DNAH11: variants seen among roughly 807,000 people sequenced by gnomAD.
The protein encoded by DNAH11 is dynein axonemal heavy chain 11.
Under a neutral mutation model 526.0 loss-of-function variants are expected in DNAH11, and 442 were observed. The observed-to-expected ratio is 0.84, with a 90% CI of 0.78 to 0.91. DNAH11 has a LOEUF of 0.91. DNAH11 is among the 40% of genes least tolerant of loss of function. The pLI is 0.00. For missense variants in DNAH11, 6,989 were observed against 5,448.7 expected, an observed-to-expected ratio of 1.28 and a Z score of -8.90; for synonymous variants, 2,461 against 1,935.9, an observed-to-expected ratio of 1.27 and a Z score of -7.12.
rs1562568659 is a variant in DNAH11, at chr7:21,825,927, C to T, written c.10691+7588C>T. On this transcript the variant is annotated intron_variant, in intron 65 of 81. Transcript: ENST00000409508. ...TGAGCCAAGATGGTGCCACTGCACT[C>T]CAGCCTGGGCGAAGGAGTGAGACTC... 2.7e-5 allele frequency among the ~76,000 whole-genome samples: 4 copies of T among 150,508 alleles called. No individual in the cohort carries two copies. The South Asian group carries it at 6.3e-4, about 24-fold the overall frequency.
chr7:21,765,430 C>T lies in DNAH11; in HGVS notation c.8943C>T (p.Ile2981=). Residue 2981 remains isoleucine, a splice_region_variant and synonymous_variant, in exon 55 of 82, where the codon ATC becomes ATT. Transcript: ENST00000409508. ...FMARVRLQLK[I]ILCFSPVGRT... ...GCCTTGCCCCCATGTCTCCACAGAT[C>T]ATTTTGTGTTTCTCTCCAGTTGGTC... is the stretch of plus-strand genomic sequence containing the variant. 6.2e-7 allele frequency: 1 copy of T among 1,613,744 alleles called. No individual in the cohort carries two copies. The highest frequency in any genetic ancestry group is 8.5e-7 in the Non-Finnish European group (1 of 1,179,756).
Position 21,739,678 on chromosome 7 carries a change from G to C in DNAH11, c.7914+5G>C. On this transcript the variant is annotated splice_donor_5th_base_variant and intron_variant, in intron 48 of 81. Coordinates refer to ENST00000409508, the MANE Select transcript of DNAH11 (RefSeq NM_001277115.2). ...ACCATCAATCCCAGGCTACAGGTAG[G>C]GTGTTGAATACTGCTCTCAAAAACT... is the stretch of plus-strand genomic sequence containing the variant. The C allele has an allele frequency of 6.2e-7, 1 of 1,606,758 alleles. No individual in the cohort carries two copies. Among genetic ancestry groups the C allele is most frequent in the Non-Finnish European group, 8.5e-7 (1 of 1,174,898 alleles).
chr7:21,901,463 TACTC>T lies in DNAH11; in HGVS notation c.*211_*214del, dbSNP rs1784843576. 1.7e-6 allele frequency: 1 copy of T among 579,594 alleles called. No homozygotes were observed. Among genetic ancestry groups the T allele is most frequent in the Non-Finnish European group, 2.5e-6 (1 of 397,394 alleles). The allele number at this position is 579,594 out of a possible 1,614,324, so 35.9% of individuals were successfully genotyped here. A position where few individuals can be genotyped will look rare whatever the true frequency, so the allele number is the denominator to read the frequency against. ...GGTGGCACACGACTGTAATCCCAGT[TACTC>T]AGGAGGTAGGAGAATCACTTGAACC... On this transcript the variant is annotated 3_prime_UTR_variant, in exon 82 of 82. Transcript: ENST00000409508.
intron 62 of DNAH11, among the ~76,000 whole-genome samples, chr7:21,801,652 A>C (rs1267327963): frequency 6.6e-6 from 1 of 152,228 alleles, no homozygotes; most frequent in Non-Finnish European, 1.5e-5. Context: ...GAAATCCTTT[A>C]AAAACAAAAA....
chr7:21,875,874 T>G (rs981263879), intron 74 of DNAH11, among the ~76,000 whole-genome samples: 3 of 140,772 alleles, frequency 2.1e-5, no homozygotes, highest in East Asian at 4.0e-4. Flanking sequence ...AGGAAGAATA[T>G]TTCTTTTTTT....
chr7:21,747,371 T>C (rs1211609036), intron 51 of DNAH11, among the ~76,000 whole-genome samples: 1 of 152,234 alleles, frequency 6.6e-6, no homozygotes, highest in Non-Finnish European at 1.5e-5. Context: ...CAAAAAGCAC[T>C]ATTTAAAACA....
chr7:21,836,237 A>G (rs529785787), intron 65 of DNAH11, among the ~76,000 whole-genome samples: 2 of 152,306 alleles, frequency 1.3e-5, no homozygotes, highest in Middle Eastern at 3.4e-3. Flanking sequence ...CTTCACAGAA[A>G]TAGATAAAAC....
At chr7:21,645,522 G>C (rs967519533) in intron 28 of DNAH11, among the ~76,000 whole-genome samples, 1 of 152,064 alleles carries the variant, frequency 6.6e-6, no homozygotes, top group Non-Finnish European at 1.5e-5. Flanking sequence ...GCTTTCAAGA[G>C]GCTCGTGGAA....
At position 21,558,995 on chromosome 7, in the gene DNAH11, A is replaced by G; in HGVS notation, c.689A>G (p.Asn230Ser). Reference protein sequence around the residue: ...KMDLDQNCSENKPPSNERIIL... With the variant: ...KMDLDQNCSESKPPSNERIIL... ...GATCTGGATCAGAATTGTTCAGAGAACAAGTACGTAACAGTACAATATATA... is the reference window on the plus strand; with the variant it reads ...GATCTGGATCAGAATTGTTCAGAGAGCAAGTACGTAACAGTACAATATATA... Residue 230 changes from asparagine to serine, a missense_variant, in exon 3 of 82, where the codon AAC (asparagine) becomes AGC (serine). Asn to Ser is a conservative substitution (Grantham distance 46, BLOSUM62 1). Coordinates refer to ENST00000409508, the MANE Select transcript of DNAH11 (RefSeq NM_001277115.2). 6.4e-7 allele frequency: 1 copy of G among 1,570,514 alleles called. No homozygotes were observed. Among genetic ancestry groups the G allele is most frequent in the Non-Finnish European group, 8.6e-7 (1 of 1,156,404 alleles).
intron 45 of DNAH11, among the ~76,000 whole-genome samples, chr7:21,729,283 A>G (rs532091524): frequency 1.1e-4 from 17 of 152,264 alleles, no homozygotes; most frequent in Admixed American, 9.8e-4. Flanking sequence ...CAAGCTGGCA[A>G]TATTTCTGCT....
intron 63 of DNAH11, among the ~76,000 whole-genome samples, chr7:21,815,530 C>T (rs1583727879): frequency 6.6e-6 from 1 of 152,198 alleles, no homozygotes; most frequent in South Asian, 2.1e-4. Context: ...AACCAATGAA[C>T]CAAACTGTTA....
At position 21,808,025 on chromosome 7, in the gene DNAH11, G is replaced by A. The variant is rs747291151; in HGVS notation, c.10308G>A (p.Lys3436=). 6 of 1,559,406 alleles carry A rather than the reference G, an allele frequency of 3.8e-6. No individual in the cohort carries two copies. The Admixed American group carries it at 1.1e-4, about 27-fold the overall frequency. ...ATCGCCAGGAGCTGGTGCACTGCAAGTGGGTTCCCTTTCTTCAACAGAAGG... is the reference window on the plus strand; with the variant it reads ...ATCGCCAGGAGCTGGTGCACTGCAAATGGGTTCCCTTTCTTCAACAGAAGG... ...RQYRQELVHC[K]WVPFLQQKVS... Residue 3436 remains lysine, a synonymous_variant, in exon 63 of 82, where the codon AAG becomes AAA. Transcript: ENST00000409508.
chr7:21,887,672 A>G (rs1479607195), intron 76 of DNAH11, among the ~76,000 whole-genome samples: 1 of 152,216 alleles, frequency 6.6e-6, no homozygotes, highest in Non-Finnish European at 1.5e-5. Flanking sequence ...TTTTTATTAT[A>G]AAGTATACAT....
At position 21,543,860 on chromosome 7, in the gene DNAH11, A is replaced by G; in HGVS notation, c.351+264A>G. 8 of 512,862 alleles carry G rather than the reference A, an allele frequency of 1.6e-5. No individual in the cohort carries two copies. The South Asian group carries it at 2.2e-4, about 14-fold the overall frequency. 31.8% of individuals were successfully genotyped at this position (512,862 alleles called of 1,614,324 possible). On this transcript the variant is annotated intron_variant, in intron 1 of 81. Transcript: ENST00000409508. ...GAGCCTGTTCGACCAGGATAACCCA[A>G]GAACACCAGCGCTTTCTTTAGCTGC... is the stretch of plus-strand genomic sequence containing the variant.
chr7:21,757,790 A>C (rs557771785), intron 54 of DNAH11, among the ~76,000 whole-genome samples: 1 of 152,348 alleles, frequency 6.6e-6, no homozygotes, highest in South Asian at 2.1e-4. Context: ...GTATGCAAGC[A>C]ACAGATTAAC....
At chr7:21,585,242 G>A (rs529592681) in intron 9 of DNAH11, among the ~76,000 whole-genome samples, 83 of 152,188 alleles carry the variant, frequency 5.5e-4, no homozygotes, top group Middle Eastern at 3.4e-3. Flanking sequence ...ACAAAGTGGC[G>A]TTTAATAAGT....
intron 14 of DNAH11, among the ~76,000 whole-genome samples, chr7:21,595,857 C>T (rs1269732982): frequency 6.6e-6 from 1 of 151,412 alleles, no homozygotes; most frequent in Admixed American, 6.6e-5. Flanking sequence ...GGCTGGACCA[C>T]CATTCTTCTC....
chr7:21,797,078 A>G (rs1420775692), intron 61 of DNAH11, among the ~76,000 whole-genome samples: 1 of 152,198 alleles, frequency 6.6e-6, no homozygotes, highest in African/African-American at 2.4e-5. Context: ...GCAGGAATAG[A>G]GTTTTCTATA....
At position 21,899,962 on chromosome 7, in the gene DNAH11, T is replaced by TTTG. The variant is rs772404178; in HGVS notation, c.13163-15_13163-13dup. 1.2e-6 allele frequency: 2 copies of TTTG among 1,612,832 alleles called. No individual in the cohort carries two copies. Among genetic ancestry groups the TTTG allele is most frequent in the African/African-American group, 2.7e-5 (2 of 74,814 alleles). ...TGCAACACTTTTATCCTATTCAATT[T>TTTG]TTGTTATATTTCCAAAGCAATCATG... On this transcript the variant is annotated splice_polypyrimidine_tract_variant and intron_variant, in intron 80 of 81. Transcript: ENST00000409508.
Sources: gnomAD v4.1 joint callset for allele counts (sites outside exome capture counted in the v4.1 genomes callset) on GRCh38, gnomAD v4.1.1 for gene constraint, MANE v1.5 for transcripts, NCBI Gene and HGNC (gene_info 2026-07-23, HGNC 2026-07-21) for gene names.